Variants in LMTK2 observed in about 807,000 individuals in gnomAD.
LMTK2 encodes serine/threonine-protein kinase LMTK2.
Under a neutral mutation model 127.5 loss-of-function variants are expected in LMTK2, and 37 were observed. That is an observed-to-expected ratio of 0.29 (90% CI 0.22 to 0.38). LMTK2 has a LOEUF of 0.38. Ranked by LOEUF, LMTK2 falls within the 10% of genes least tolerant of loss-of-function variation. The probability of loss-of-function intolerance (pLI) is 1.00; values close to 1 mark genes in which losing one functional copy is unlikely to be tolerated. For missense variants in LMTK2, 1,694 were observed against 1,920.3 expected, an observed-to-expected ratio of 0.88 and a Z score of 2.20; for synonymous variants, 819 against 810.1, an observed-to-expected ratio of 1.01 and a Z score of -0.19.
Position 98,194,645 on chromosome 7 carries a change from G to A in LMTK2, c.4107+73G>A. ...TCCAAAATGTGCTAGGAAATTGAGT[G>A]TGGTCTGTTTTCTAGTTGCCATTTT... On this transcript the variant is annotated intron_variant, in intron 11 of 13. Transcript: ENST00000297293. This position sits in a 1 kb window ranked among gnomAD's most constrained non-coding sequence, Gnocchi z 5.4. 7.3e-7 allele frequency: 1 copy of A among 1,373,120 alleles called. No homozygotes were observed. The highest frequency in any genetic ancestry group is 9.8e-7 in the Non-Finnish European group (1 of 1,024,022). The allele number at this position is 1,373,120 out of a possible 1,614,324, so 85.1% of individuals were successfully genotyped here.
At chr7:98,120,731 C>G (rs1053344712) in intron 1 of LMTK2, among the ~76,000 whole-genome samples, 5 of 152,106 alleles carry the variant, frequency 3.3e-5, no homozygotes, top group African/African-American at 7.2e-5. Context: ...GGTTGCTTCC[C>G]CGGATCCAGC....
chr7:98,142,023 T>C (rs925157501), intron 3 of LMTK2, among the ~76,000 whole-genome samples: 1 of 152,136 alleles, frequency 6.6e-6, no homozygotes, highest in Non-Finnish European at 1.5e-5. Context: ...ACTAGAAAAA[T>C]AGAATGTGAC....
intron 6 of LMTK2, among the ~76,000 whole-genome samples, chr7:98,160,158 G>T: frequency 6.6e-6 from 1 of 152,112 alleles, no homozygotes; most frequent in East Asian, 1.9e-4. Flanking sequence ...GGATGAGTCA[G>T]GTTTTAATTG....
chr7:98,191,851 C>G lies in LMTK2; in HGVS notation c.1386C>G (p.Val462=). 1.2e-6 allele frequency: 2 copies of G among 1,614,152 alleles called. No homozygotes were observed. Among genetic ancestry groups the G allele is most frequent in the Non-Finnish European group, 1.7e-6 (2 of 1,180,016 alleles). Reference sequence around the variant, plus strand: ...GGCTGGGTCGTGAAATGGAGGAAGTCCTCACCGTGACCGAAACCAGCCAGG... The same window carrying G: ...GGCTGGGTCGTGAAATGGAGGAAGTGCTCACCGTGACCGAAACCAGCCAGG... ...RDRLGREMEE[V]LTVTETSQGL... Residue 462 remains valine (V), a synonymous_variant, in exon 11 of 14, where the codon GTC becomes GTG. Coordinates refer to ENST00000297293, the MANE Select transcript of LMTK2 (RefSeq NM_014916.4).
chr7:98,137,635 A>G (rs1184797807), intron 2 of LMTK2, among the ~76,000 whole-genome samples, 193 bp downstream of exon 2: 1 of 152,174 alleles, frequency 6.6e-6, no homozygotes, highest in African/African-American at 2.4e-5. Context: ...CAGCAGCTCA[A>G]CTCTGCCAGG....
intron 5 of LMTK2, among the ~76,000 whole-genome samples, chr7:98,156,214 C>T (rs1382938927): frequency 1.3e-5 from 2 of 152,168 alleles, no homozygotes; most frequent in Non-Finnish European, 2.9e-5. Context: ...CGCCTGTAAT[C>T]CCAGTACTTG....
At chr7:98,167,835 G>C (rs1023476982) in intron 6 of LMTK2, among the ~76,000 whole-genome samples, 1 of 152,202 alleles carries the variant, frequency 6.6e-6, no homozygotes. Flanking sequence ...ACGGATCAAC[G>C]AGAGGAGGGA....
In LMTK2 at chr7:98,119,024, G is replaced by A. The variant is rs1300132641; in HGVS notation, c.103+11744G>A. Among the ~76,000 whole-genome samples, 11 of 151,396 alleles carry A rather than the reference G, an allele frequency of 7.3e-5. No homozygotes were observed. The South Asian group carries it at 1.7e-3, about 23-fold the overall frequency. On this transcript the variant is annotated intron_variant, in intron 1 of 13. Coordinates refer to ENST00000297293, the MANE Select transcript of LMTK2 (RefSeq NM_014916.4). Reference sequence around the variant, plus strand: ...AGATAATCGCTTGAACCTGGGAGGCGGAGGTTGCAGTGAACCAAGATAGTG... The same window carrying A: ...AGATAATCGCTTGAACCTGGGAGGCAGAGGTTGCAGTGAACCAAGATAGTG...
At chr7:98,121,462 A>G (rs1184904424) in intron 1 of LMTK2, among the ~76,000 whole-genome samples, 1 of 142,386 alleles carries the variant, frequency 7.0e-6, no homozygotes, top group Non-Finnish European at 1.5e-5. Context: ...CCTTGTTTCT[A>G]CTAAAATACA....
intron 1 of LMTK2, among the ~76,000 whole-genome samples, chr7:98,111,176 A>G (rs1238542131): frequency 6.6e-6 from 1 of 152,228 alleles, no homozygotes; most frequent in Non-Finnish European, 1.5e-5. Context: ...CACTGAAGTT[A>G]TCAAATCCTT....
chr7:98,149,870 T>C (rs1332975462), intron 3 of LMTK2, among the ~76,000 whole-genome samples: 1 of 152,164 alleles, frequency 6.6e-6, no homozygotes, highest in Non-Finnish European at 1.5e-5. Context: ...GAGAAAACAT[T>C]TGCAGATTAC....
chr7:98,107,013 G>A lies in LMTK2; in HGVS notation c.-165G>A. The stretch of plus-strand genomic sequence containing the variant: ...TTTCTGCGACTGGAGCGGCAGGTGC[G>A]GACCGGGAGCCGGACCGAGGTTTGG... On this transcript the variant is annotated 5_prime_UTR_variant, in exon 1 of 14. Transcript: ENST00000297293. 2.0e-6 allele frequency: 1 copy of A among 489,996 alleles called. No individual in the cohort carries two copies. The highest frequency in any genetic ancestry group is 3.5e-6 in the Non-Finnish European group (1 of 284,472). The allele number at this position is 489,996 out of a possible 1,614,324, so 30.4% of individuals were successfully genotyped here.
At chr7:98,175,225 GT>G (rs1400014310) in intron 7 of LMTK2, among the ~76,000 whole-genome samples, 1 of 152,190 alleles carries the variant, frequency 6.6e-6, no homozygotes, top group African/African-American at 2.4e-5. Flanking sequence ...AGGAGGTGGC[GT>G]TTTAGTGATC....
rs1796610275 is a variant in LMTK2 at position 98,137,363 on chromosome 7, G to A, written c.152G>A (p.Cys51Tyr). The change falls in exon 2 of 14, where the codon TGT (cysteine) becomes TAT (tyrosine). Residue 51 changes from cysteine to tyrosine, a missense_variant. Cys to Tyr is a radical substitution (Grantham distance 194). This residue lies in a region of LMTK2 where 76 missense variants were observed against 82.0 expected (regional missense o/e 0.93). Coordinates refer to ENST00000297293, the MANE Select transcript of LMTK2 (RefSeq NM_014916.4). ...GTTTCCTCATCTTTTGTGATCCTGT[G>A]TGTGTGCAGTTTAATAATATTAATA... ...AEVSSSFVIL[C>Y]VCSLIILIVL... 12 of 1,613,706 alleles carry A rather than the reference G, an allele frequency of 7.4e-6. No homozygotes were observed. The highest frequency in any genetic ancestry group is 1.0e-5 in the Non-Finnish European group (12 of 1,179,868).
At chr7:98,116,799 C>T (rs1796293228) in intron 1 of LMTK2, among the ~76,000 whole-genome samples, 1 of 152,348 alleles carries the variant, frequency 6.6e-6, no homozygotes, top group East Asian at 1.9e-4. Context: ...CAGGAAACCA[C>T]ATTACATTTA....
chr7:98,106,958 C>T lies in LMTK2; in HGVS notation c.-220C>T, dbSNP rs890552988. The T allele has an allele frequency of 2.2e-6, 1 of 460,330 alleles. No homozygotes were observed. The highest frequency in any genetic ancestry group is 3.8e-6 in the Non-Finnish European group (1 of 260,132). The allele number at this position is 460,330 out of a possible 1,614,324, so 28.5% of individuals were successfully genotyped here. A position where few individuals can be genotyped will look rare whatever the true frequency, so the allele number is the denominator to read the frequency against. On this transcript the variant is annotated 5_prime_UTR_variant, in exon 1 of 14. Coordinates refer to ENST00000297293, the MANE Select transcript of LMTK2 (RefSeq NM_014916.4). ...CGTTGCTGCTGTTGAGAGGCGGCGGCGGCGGCGCAGGCGGGCGGGAAGGAT... is the reference window on the plus strand; with the variant it reads ...CGTTGCTGCTGTTGAGAGGCGGCGGTGGCGGCGCAGGCGGGCGGGAAGGAT...
Position 98,171,807 on chromosome 7 carries a change from C to A in LMTK2, c.791+133C>A. 1 of 982,232 alleles carries A rather than the reference C, an allele frequency of 1.0e-6. No homozygotes were observed. Among genetic ancestry groups the A allele is most frequent in the South Asian group, 1.9e-5 (1 of 53,792 alleles). The allele number at this position is 982,232 out of a possible 1,614,324, so 60.8% of individuals were successfully genotyped here. A position where few individuals can be genotyped will look rare whatever the true frequency, so the allele number is the denominator to read the frequency against. On this transcript the variant is annotated intron_variant, in intron 7 of 13. Coordinates refer to ENST00000297293, the MANE Select transcript of LMTK2 (RefSeq NM_014916.4). This position sits in a 1 kb window ranked among gnomAD's most constrained non-coding sequence, Gnocchi z 5.1. Reference sequence around the variant, plus strand: ...CCCAGCTCATGTAGGTAGAAGCGATCTCGTTCTTACCCATGTCCGGATAAG... The same window carrying A: ...CCCAGCTCATGTAGGTAGAAGCGATATCGTTCTTACCCATGTCCGGATAAG...
intron 3 of LMTK2, among the ~76,000 whole-genome samples, chr7:98,148,619 G>A (rs1473656586): frequency 6.6e-6 from 1 of 152,144 alleles, no homozygotes; most frequent in Non-Finnish European, 1.5e-5. Context: ...CTGTGAATGG[G>A]CCAATTTTTG....
At chr7:98,146,596 CTT>C (rs1374712411) in intron 3 of LMTK2, among the ~76,000 whole-genome samples, 2 of 152,034 alleles carry the variant, frequency 1.3e-5, no homozygotes, top group Admixed American at 6.5e-5. Flanking sequence ...ATTGATAACA[CTT>C]TTGAATTGAT....
Sources: gnomAD v4.1 joint callset for allele counts (sites outside exome capture counted in the v4.1 genomes callset) on GRCh38, gnomAD v4.1.1 for gene constraint, gnomAD v4.1.1 regional missense constraint, Gnocchi (gnomAD v3.1) non-coding constraint, MANE v1.5 for transcripts, NCBI Gene and HGNC (gene_info 2026-07-23, HGNC 2026-07-21) for gene names.